Variants in ATP1B4 observed in about 807,000 individuals in gnomAD.
ATP1B4 encodes protein ATP1B4.
A neutral mutation model predicts 29.6 loss-of-function variants in ATP1B4; 32 were observed. That is an observed-to-expected ratio of 1.08 (90% CI 0.82 to 1.45). The LOEUF is 1.45. Among genes scored for constraint, ATP1B4 ranks in the 40% most tolerant of loss-of-function variants. The pLI is 0.00. For missense variants in ATP1B4, 323 were observed against 276.2 expected (o/e 1.17, Z -1.20); for synonymous variants, 127 against 102.1 (o/e 1.24, Z -1.47).
intron 6 of ATP1B4, 105 bp from the exon 7 acceptor site, chrX:120,378,573 G>C: frequency 1.5e-6 from 1 of 670,130 alleles, no homozygotes; most frequent in Non-Finnish European, 2.4e-6. Flanking sequence ...TGGAACAGTT[G>C]GTTATGGTTC....
rs1046728194 is a variant in ATP1B4 at position 120,379,639 on chromosome X, T to A, written c.*5T>A. On this transcript the variant is annotated 3_prime_UTR_variant, in exon 8 of 8. Transcript: ENST00000218008. ...ACCCTGAACATAGAAACTTAAGAAC[T>A]TCAGGGGGCCATTCTTACCAGTTCT... The A allele has an allele frequency of 1.7e-6, 2 of 1,200,245 alleles. No individual in the cohort carries two copies. The highest frequency in any genetic ancestry group is 2.2e-6 in the Non-Finnish European group (2 of 890,599).
intron 4 of ATP1B4, 39 bp from the exon 5 acceptor site, chrX:120,375,333 C>G: frequency 1.8e-6 from 2 of 1,142,193 alleles, no homozygotes; most frequent in South Asian, 2.0e-5. Context: ...CCTGTAGCAC[C>G]TGTCTAACAT....
intron 5 of ATP1B4, among the ~76,000 whole-genome samples, chrX:120,376,021 A>G (rs150881706): frequency 0.026 from 2,884 of 111,304 alleles, 45 homozygotes; most frequent in Non-Finnish European, 0.039. Flanking sequence ...GGCATGGGGG[A>G]CAGTTCTTAT....
In ATP1B4 at chrX:120,382,888, G is replaced by A. The variant is rs1337505536; in HGVS notation, c.*3254G>A. ...AAATGTAGGTTTACTATACAGAACTGGATATGATAATATATTCATTAAAGT... is the reference window on the plus strand; with the variant it reads ...AAATGTAGGTTTACTATACAGAACTAGATATGATAATATATTCATTAAAGT... On this transcript the variant is annotated 3_prime_UTR_variant, in exon 8 of 8. Coordinates refer to ENST00000218008, the MANE Select transcript of ATP1B4 (RefSeq NM_001142447.3). The A allele has an allele frequency of 8.9e-6, 1 of 111,921 alleles. No homozygotes were observed. Among genetic ancestry groups the A allele is most frequent in the South Asian group, 3.7e-4 (1 of 2,715 alleles). 9.2% of individuals were successfully genotyped at this position (111,921 alleles called of 1,213,427 possible).
intron 1 of ATP1B4, among the ~76,000 whole-genome samples, chrX:120,363,910 A>C (rs972032318): frequency 1.8e-5 from 2 of 112,244 alleles, no homozygotes; most frequent in Admixed American, 9.4e-5. Context: ...CACAGGATTT[A>C]ATTAATGAGG....
chrX:120,379,684 G>T lies in ATP1B4; in HGVS notation c.*50G>T, dbSNP rs1008112451. On this transcript the variant is annotated 3_prime_UTR_variant, in exon 8 of 8. Transcript: ENST00000218008. ...AGTTCTGTTTCTGTTTTATCTCATG[G>T]TATCTCTGGTAGCACCTGAATTCTT... 3 of 1,112,175 alleles carry T rather than the reference G, an allele frequency of 2.7e-6. No individual in the cohort carries two copies. Among genetic ancestry groups the T allele is most frequent in the African/African-American group, 3.7e-5 (2 of 54,228 alleles). The allele number at this position is 1,112,175 out of a possible 1,213,427, so 91.7% of individuals were successfully genotyped here.
intron 2 of ATP1B4, among the ~76,000 whole-genome samples, chrX:120,368,894 A>G (rs2058299282): frequency 9.0e-6 from 1 of 111,398 alleles, no homozygotes; most frequent in South Asian, 3.8e-4. Flanking sequence ...CAGAGGGATC[A>G]ATGGGTTCAA....
At chrX:120,375,315 G>A in intron 4 of ATP1B4, 57 bp from the exon 5 acceptor site, 3 of 1,067,419 alleles carry the variant, frequency 2.8e-6, no homozygotes, top group Admixed American at 2.4e-5. Flanking sequence ...CTGAACGCAC[G>A]GCCTTCCCCT....
At position 120,362,114 on chromosome X, in the gene ATP1B4, C is replaced by T; in HGVS notation, c.-55C>T. The T allele has an allele frequency of 9.1e-7, 1 of 1,103,210 alleles. No homozygotes were observed. Among genetic ancestry groups the T allele is most frequent in the Non-Finnish European group, 1.3e-6 (1 of 798,038 alleles). 90.9% of individuals were successfully genotyped at this position (1,103,210 alleles called of 1,213,427 possible). On this transcript the variant is annotated 5_prime_UTR_variant, in exon 1 of 8. Coordinates refer to ENST00000218008, the MANE Select transcript of ATP1B4 (RefSeq NM_001142447.3). Reference sequence around the variant, plus strand: ...AGTGTCTCCTGTACCAGCAGAAGCTCCAGAACTCTCACCCGATTGCCTGCC... The same window carrying T: ...AGTGTCTCCTGTACCAGCAGAAGCTTCAGAACTCTCACCCGATTGCCTGCC...
chrX:120,373,009 G>A (rs1289500572), intron 4 of ATP1B4, among the ~76,000 whole-genome samples: 1 of 112,229 alleles, frequency 8.9e-6, no homozygotes, highest in Admixed American at 9.5e-5. Flanking sequence ...GAAGCTAGTA[G>A]ACAGAGAAAT....
intron 2 of ATP1B4, among the ~76,000 whole-genome samples, chrX:120,370,106 C>T (rs1419332821): frequency 8.9e-6 from 1 of 111,779 alleles, no homozygotes; most frequent in East Asian, 2.8e-4. Flanking sequence ...CTGTCTCCTC[C>T]TTTTCCCTTC....
At chrX:120,366,337 A>G (rs2058285366) in intron 1 of ATP1B4, among the ~76,000 whole-genome samples, 188 bp from the exon 2 acceptor site, 1 of 112,008 alleles carries the variant, frequency 8.9e-6, no homozygotes, top group African/African-American at 3.2e-5. Flanking sequence ...GGTCATAGAA[A>G]GGATATTTCC....
In ATP1B4 at chrX:120,379,705, T is replaced by C. The variant is rs2058373484; in HGVS notation, c.*71T>C. 1 of 1,052,193 alleles carries C rather than the reference T, an allele frequency of 9.5e-7. No individual in the cohort carries two copies. Among genetic ancestry groups the C allele is most frequent in the Admixed American group, 2.8e-5 (1 of 35,292 alleles). 86.7% of individuals were successfully genotyped at this position (1,052,193 alleles called of 1,213,427 possible). On this transcript the variant is annotated 3_prime_UTR_variant, in exon 8 of 8. Coordinates refer to ENST00000218008, the MANE Select transcript of ATP1B4 (RefSeq NM_001142447.3). ...CATGGTATCTCTGGTAGCACCTGAA[T>C]TCTTTTTCTTCAATTAGGACACAGC...
intron 4 of ATP1B4, among the ~76,000 whole-genome samples, 176 bp downstream of exon 4, chrX:120,371,386 G>A (rs1017621882): frequency 8.9e-6 from 1 of 111,840 alleles, no homozygotes; most frequent in Non-Finnish European, 1.9e-5. Flanking sequence ...TTGCTCTAGT[G>A]TGTGATTGTA....
rs780143575 is a variant in ATP1B4, at chrX:120,376,267, A to C, written c.760-113A>C. 4 of 661,232 alleles carry C rather than the reference A, an allele frequency of 6.0e-6. No individual in the cohort carries two copies. The African/African-American group carries it at 8.9e-5, about 15-fold the overall frequency. The allele number at this position is 661,232 out of a possible 1,213,427, so 54.5% of individuals were successfully genotyped here. A position where few individuals can be genotyped will look rare whatever the true frequency, so the allele number is the denominator to read the frequency against. ...TAACATTTCTGAGAAGGCGAAATAG[A>C]TGAAGCATATGCCTGAGGAAGCATG... On this transcript the variant is annotated intron_variant, in intron 5 of 7. Transcript: ENST00000218008.
At chrX:120,363,228 A>G (rs1009108255) in intron 1 of ATP1B4, among the ~76,000 whole-genome samples, 1 of 111,820 alleles carries the variant, frequency 8.9e-6, no homozygotes, top group African/African-American at 3.3e-5. Flanking sequence ...CGCAGAAGAA[A>G]ACACACATTA....
intron 2 of ATP1B4, among the ~76,000 whole-genome samples, chrX:120,370,166 C>T (rs2058306196): frequency 1.8e-5 from 2 of 111,798 alleles, no homozygotes; most frequent in South Asian, 7.6e-4. Flanking sequence ...TTTTATTCAT[C>T]TTTGCTAAAG....
Position 120,378,665 on chromosome X carries a change from C to G in ATP1B4, c.817-13C>G. On this transcript the variant is annotated splice_polypyrimidine_tract_variant and intron_variant, in intron 6 of 7. Coordinates refer to ENST00000218008, the MANE Select transcript of ATP1B4 (RefSeq NM_001142447.3). ...TGACCCAGCACCCCACATATACCTG[C>G]TTTTGCTTACAGAGAGGTGATGAAA... is the stretch of plus-strand genomic sequence containing the variant. The G allele has an allele frequency of 8.3e-7, 1 of 1,203,019 alleles. No individual in the cohort carries two copies. Among genetic ancestry groups the G allele is most frequent in the Non-Finnish European group, 1.1e-6 (1 of 887,810 alleles).
At chrX:120,374,611 ATATATACCCT>A (rs2058333367) in intron 4 of ATP1B4, among the ~76,000 whole-genome samples, 1 of 48,984 alleles carries the variant, frequency 2.0e-5, no homozygotes, top group African/African-American at 1.1e-4. Context: ...TATATAATAT[ATATATACCCT>A]TATATATAAT....
Sources: allele counts gnomAD v4.1 joint callset (sites outside exome capture counted in the v4.1 genomes callset), GRCh38; gene constraint gnomAD v4.1.1; transcripts MANE v1.5; gene names NCBI Gene and HGNC (gene_info 2026-07-23, HGNC 2026-07-21).